The following IDH3A variants were observed in gnomAD, a reference collection of about 807,000 sequenced individuals.
IDH3A encodes isocitrate dehydrogenase [NAD] subunit alpha, mitochondrial.
Under a neutral mutation model 43.3 loss-of-function variants are expected in IDH3A, and 23 were observed. The ratio of observed to expected loss-of-function variants is 0.53; its 90% CI spans 0.38 to 0.75. IDH3A has a LOEUF of 0.75. Among genes scored for constraint, IDH3A ranks in the 30% least tolerant of loss-of-function variants. The probability of loss-of-function intolerance (pLI) is 0.00; values close to 1 mark genes in which losing one functional copy is unlikely to be tolerated. For synonymous variants in IDH3A, 154 were observed against 163.5 expected (o/e 0.94, Z 0.44); for missense variants, 329 against 474.4 (o/e 0.69, Z 2.85).
chr15:78,168,564 A>AT lies in IDH3A; in HGVS notation c.1018-353dup, dbSNP rs1453633455. On this transcript the variant is annotated intron_variant, in intron 10 of 10. Transcript: ENST00000299518. The stretch of plus-strand genomic sequence containing the variant: ...TATTCCTGAGACATATTTCCCAAGG[A>AT]TTTTTATGAAACTTCTTATTTAGAT... 3.7e-5 allele frequency: 6 copies of AT among 162,382 alleles called. No homozygotes were observed. In the East Asian group the frequency reaches 8.6e-4, roughly 23 times the overall value. The allele number at this position is 162,382 out of a possible 1,614,324, so 10.1% of individuals were successfully genotyped here. A position where few individuals can be genotyped will look rare whatever the true frequency, so the allele number is the denominator to read the frequency against.
intron 8 of IDH3A, 51 bp from the exon 9 acceptor site, chr15:78,164,941 T>G: frequency 7.8e-5 from 108 of 1,377,550 alleles, no homozygotes; most frequent in Non-Finnish European, 1.0e-4. Context: ...GGGTGCTAGG[T>G]GAGATGTTTT....
intron 9 of IDH3A, 59 bp from the exon 10 acceptor site, chr15:78,166,091 A>G (rs2074738274): frequency 6.6e-7 from 1 of 1,524,730 alleles, no homozygotes. Flanking sequence ...CAGCTTCCCC[A>G]GAAGAGGACT....
intron 1 of IDH3A, 57 bp from the exon 2 acceptor site, chr15:78,155,156 G>A (rs779571651): frequency 4.6e-6 from 6 of 1,299,748 alleles, no homozygotes; most frequent in Non-Finnish European, 6.7e-6. Flanking sequence ...CCTCGCTCTT[G>A]TTTACTGTAT....
At chr15:78,157,368 C>G (rs2074631694) in intron 2 of IDH3A, 180 bp from the exon 3 acceptor site, 1 of 630,980 alleles carries the variant, frequency 1.6e-6, no homozygotes, top group Admixed American at 3.5e-5. Flanking sequence ...TGCAGAGTCT[C>G]TCCTCTGTTG....
chr15:78,150,946 C>T (rs1471384477), intron 1 of IDH3A: 1 of 152,226 alleles, frequency 6.6e-6, no homozygotes, highest in African/African-American at 2.4e-5. Flanking sequence ...ACATTTAACA[C>T]CCAATTCATC....
chr15:78,158,448 C>CATACATAT (rs1555429600), intron 3 of IDH3A, among the ~76,000 whole-genome samples: 861 of 28,200 alleles, frequency 0.031, 49 homozygotes, highest in South Asian at 0.078. Flanking sequence ...TACATACATA[C>CATACATAT]ATATATATAT....
chr15:78,149,463 G>C, intron 1 of IDH3A, 33 bp downstream of exon 1: 1 of 1,518,294 alleles, frequency 6.6e-7, no homozygotes, highest in Non-Finnish European at 8.8e-7. Context: ...GTGGCAGGCA[G>C]GCAGGCCGCG....
intron 1 of IDH3A, 76 bp from the exon 2 acceptor site, chr15:78,155,137 T>A: frequency 2.9e-6 from 3 of 1,035,528 alleles, no homozygotes; most frequent in Admixed American, 1.9e-5. Context: ...TTACCATCCA[T>A]CAGGACTTCC....
intron 1 of IDH3A, among the ~76,000 whole-genome samples, chr15:78,150,510 C>A (rs770414647): frequency 1.3e-5 from 2 of 152,176 alleles, no homozygotes; most frequent in Admixed American, 6.5e-5. Context: ...AGGAAAAGAT[C>A]TCTGTACTGG....
chr15:78,158,889 A>G (rs2074653166), intron 3 of IDH3A, among the ~76,000 whole-genome samples: 2 of 151,938 alleles, frequency 1.3e-5, no homozygotes, highest in South Asian at 4.2e-4. Flanking sequence ...CTGGAGTGCA[A>G]TGGCATGATC....
rs1419400934 is a variant in IDH3A at position 78,161,362 on chromosome 15, T to A, written c.290-219T>A. Among the ~76,000 whole-genome samples the A allele has an allele frequency of 6.6e-6, 1 of 152,228 alleles. No individual in the cohort carries two copies. Among genetic ancestry groups the A allele is most frequent in the Admixed American group, 6.5e-5 (1 of 15,286 alleles). ...TAAGGATTATATCATGTCAAGCACATGATTACAATGCTTGATCCTCAGGAA... is the reference window on the plus strand; with the variant it reads ...TAAGGATTATATCATGTCAAGCACAAGATTACAATGCTTGATCCTCAGGAA... On this transcript the variant is annotated intron_variant, in intron 4 of 10. Coordinates refer to ENST00000299518, the MANE Select transcript of IDH3A (RefSeq NM_005530.3). The surrounding 1 kb of genome is among the most constrained non-coding windows in gnomAD (Gnocchi z 4.8).
At position 78,157,637 on chromosome 15, in the gene IDH3A, T is replaced by C. The variant is rs1405461197; in HGVS notation, c.174+6T>C. The C allele has an allele frequency of 4.4e-6, 7 of 1,601,838 alleles. No individual in the cohort carries two copies. The highest frequency in any genetic ancestry group is 6.0e-6 in the Non-Finnish European group (7 of 1,170,588). On this transcript the variant is annotated splice_donor_region_variant and intron_variant, in intron 3 of 10. Coordinates refer to ENST00000299518, the MANE Select transcript of IDH3A (RefSeq NM_005530.3). ...AGATTTTTGATGCTGCCAAAGTAAG[T>C]GGGCTTAAAAAATACATTTAATGAT...
chr15:78,171,825 T>C lies in IDH3A; in HGVS notation c.*2820T>C, dbSNP rs1351708501. Reference sequence around the variant, plus strand: ...TTCTTTTATACACATAGGAAAGTAGTGTAAGCTACATCTGCCTTTTCCTTG... The same window carrying C: ...TTCTTTTATACACATAGGAAAGTAGCGTAAGCTACATCTGCCTTTTCCTTG... On this transcript the variant is annotated 3_prime_UTR_variant, in exon 11 of 11. Transcript: ENST00000299518. 1 of 217,910 alleles carries C rather than the reference T, an allele frequency of 4.6e-6. No homozygotes were observed. The highest frequency in any genetic ancestry group is 9.1e-6 in the Non-Finnish European group (1 of 110,220). 13.5% of individuals were successfully genotyped at this position (217,910 alleles called of 1,614,324 possible). A position where few individuals can be genotyped will look rare whatever the true frequency, so the allele number is the denominator to read the frequency against.
intron 3 of IDH3A, among the ~76,000 whole-genome samples, chr15:78,159,022 G>A (rs544837131): frequency 2.7e-5 from 4 of 150,776 alleles, no homozygotes; most frequent in African/African-American, 7.3e-5. Context: ...TAGTAGAGGC[G>A]GGGTTTCACC....
chr15:78,149,911 G>A (rs756723741), intron 1 of IDH3A, among the ~76,000 whole-genome samples: 7 of 152,284 alleles, frequency 4.6e-5, no homozygotes, highest in Admixed American at 1.3e-4. Flanking sequence ...GGTGCCACGG[G>A]CACTGGCGTT....
intron 2 of IDH3A, chr15:78,157,140 C>T: frequency 9.0e-7 from 1 of 1,113,050 alleles, no homozygotes; most frequent in Non-Finnish European, 1.1e-6. Context: ...CACTTGCCTT[C>T]ATGAGAAACC....
intron 3 of IDH3A, among the ~76,000 whole-genome samples, chr15:78,158,463 A>ATATATATATATATATATATATATT (rs1212083496): frequency 1.5e-5 from 1 of 67,378 alleles, no homozygotes; most frequent in Non-Finnish European, 3.0e-5. Flanking sequence ...ATATATATAT[A>ATATATATATATATATATATATATT]TTTTTTTTTT....
chr15:78,168,070 G>T (rs1306189561), intron 10 of IDH3A: 1 of 152,138 alleles, frequency 6.6e-6, no homozygotes, highest in Non-Finnish European at 1.5e-5. Context: ...GGAAAGAAAG[G>T]ATAAGCTGGT....
At chr15:78,153,861 A>T (rs548483286) in intron 1 of IDH3A, among the ~76,000 whole-genome samples, 29 of 152,278 alleles carry the variant, frequency 1.9e-4, no homozygotes, top group Admixed American at 1.6e-3. Flanking sequence ...TCTACTAAAA[A>T]TACAACAAGA....
Sources: gnomAD v4.1 joint callset for allele counts (sites outside exome capture counted in the v4.1 genomes callset) on GRCh38, gnomAD v4.1.1 for gene constraint, Gnocchi (gnomAD v3.1) non-coding constraint, MANE v1.5 for transcripts, NCBI Gene and HGNC (gene_info 2026-07-23, HGNC 2026-07-21) for gene names.